The following NFIB variants were observed in gnomAD, a reference collection of about 807,000 sequenced individuals.
NFIB encodes nuclear factor I B.
In NFIB, 11 loss-of-function variants were observed where a neutral mutation model predicts 61.5. The observed-to-expected ratio is 0.18, with a 90% CI of 0.11 to 0.30. NFIB has a LOEUF of 0.30. Among genes scored for constraint, NFIB ranks in the 10% least tolerant of loss-of-function variants. The pLI is 1.00. For missense variants in NFIB, 471 were observed against 608.9 expected (o/e 0.77, Z 2.38); for synonymous variants, 260 against 216.5 (o/e 1.20, Z -1.76).
the NFIB span, among the ~76,000 whole-genome samples, chr9:14,430,696 C>T: frequency 1.3e-5 from 2 of 152,194 alleles, no homozygotes; most frequent in African/African-American, 4.8e-5. Context: ...AGTCTCATGC[C>T]TCCGCCTCCC....
chr9:14,401,029 G>C (rs996097218), upstream of NFIB, among the ~76,000 whole-genome samples: 5 of 152,180 alleles, frequency 3.3e-5, no homozygotes, highest in African/African-American at 1.2e-4. Context: ...ATCCCAAGAA[G>C]GGACAGAATA....
At chr9:14,350,541 C>G (rs540012832) in intron 1 of NFIB, among the ~76,000 whole-genome samples, 20 of 151,970 alleles carry the variant, frequency 1.3e-4, no homozygotes, top group Non-Finnish European at 1.2e-4. Flanking sequence ...GGTCTTCTAG[C>G]TGTTGGCATG....
At chr9:14,336,800 G>A (rs1166004434) in intron 1 of NFIB, among the ~76,000 whole-genome samples, 1 of 151,904 alleles carries the variant, frequency 6.6e-6, no homozygotes, top group Non-Finnish European at 1.5e-5. Context: ...TAAGTAAGAA[G>A]CGCTGCTGAA....
chr9:14,156,471 T>A (rs1351924684), intron 3 of NFIB, among the ~76,000 whole-genome samples: 1 of 152,230 alleles, frequency 6.6e-6, no homozygotes. Context: ...GCATCTTTAA[T>A]ATACGTTGCA....
Position 14,088,150 on chromosome 9 carries a change from T to TA in NFIB, c.*158dup. 1 of 1,409,690 alleles carries TA rather than the reference T, an allele frequency of 7.1e-7. No individual in the cohort carries two copies. Among genetic ancestry groups the TA allele is most frequent in the Non-Finnish European group, 9.4e-7 (1 of 1,068,988 alleles). 87.3% of individuals were successfully genotyped at this position (1,409,690 alleles called of 1,614,324 possible). A position where few individuals can be genotyped will look rare whatever the true frequency, so the allele number is the denominator to read the frequency against. ...CAGTCTTCCTCTTTTCCTTTTTTTTTATTTAAAAAAAAAATTTCTTAAACT... is the reference window on the plus strand; with the variant it reads ...CAGTCTTCCTCTTTTCCTTTTTTTTTAATTTAAAAAAAAAATTTCTTAAACT... On this transcript the variant is annotated 3_prime_UTR_variant, in exon 11 of 11. Coordinates refer to ENST00000380953, the MANE Select transcript of NFIB (RefSeq NM_001190737.2).
At chr9:14,326,496 C>T (rs371719238) in intron 1 of NFIB, among the ~76,000 whole-genome samples, 6 of 152,188 alleles carry the variant, frequency 3.9e-5, no homozygotes, top group African/African-American at 1.4e-4. Context: ...CCTGTGCACA[C>T]ATAGATCTGA....
At chr9:14,240,259 CTCTCTCTT>C (rs2054215219) in intron 2 of NFIB, among the ~76,000 whole-genome samples, 2 of 151,730 alleles carry the variant, frequency 1.3e-5, no homozygotes, top group East Asian at 1.9e-4. Context: ...CCCTCTCTCC[CTCTCTCTT>C]TCTCTCCCTC....
At chr9:14,519,019 T>G in the NFIB span, among the ~76,000 whole-genome samples, 1 of 152,202 alleles carries the variant, frequency 6.6e-6, no homozygotes, top group East Asian at 1.9e-4. Context: ...TCATCTTTGA[T>G]GGGTCCTTTT....
chr9:14,473,143 T>C, the NFIB span, among the ~76,000 whole-genome samples: 2 of 152,172 alleles, frequency 1.3e-5, no homozygotes, highest in Admixed American at 1.3e-4. Flanking sequence ...CTCTCAGAGG[T>C]CTGACGTGTT....
At chr9:14,455,018 T>C in the NFIB span, among the ~76,000 whole-genome samples, 5 of 152,162 alleles carry the variant, frequency 3.3e-5, no homozygotes, top group Non-Finnish European at 7.3e-5. Flanking sequence ...AAATAAACTT[T>C]TATGGTTGTA....
At chr9:14,255,903 T>C (rs2056175433) in intron 2 of NFIB, among the ~76,000 whole-genome samples, 1 of 152,220 alleles carries the variant, frequency 6.6e-6, no homozygotes, top group African/African-American at 2.4e-5. Flanking sequence ...AGCATAGTAT[T>C]ACTGAAGCGC....
At chr9:14,493,710 C>T in the NFIB span, among the ~76,000 whole-genome samples, 1 of 152,128 alleles carries the variant, frequency 6.6e-6, no homozygotes, top group African/African-American at 2.4e-5. Flanking sequence ...GGACCTTTCC[C>T]AGGACCAGAA....
At chr9:14,255,756 G>A (rs1158303431) in intron 2 of NFIB, among the ~76,000 whole-genome samples, 7 of 152,198 alleles carry the variant, frequency 4.6e-5, no homozygotes, top group Non-Finnish European at 1.5e-5. Flanking sequence ...CCAGCTCACT[G>A]ATGAGTCTTG....
intron 2 of NFIB, among the ~76,000 whole-genome samples, chr9:14,282,884 C>G (rs2058469771): frequency 6.6e-6 from 1 of 152,204 alleles, no homozygotes; most frequent in South Asian, 2.1e-4. Context: ...CTGGCTCTCT[C>G]TTTGTCTGAG....
At chr9:14,461,516 TG>T in the NFIB span, among the ~76,000 whole-genome samples, 1 of 152,182 alleles carries the variant, frequency 6.6e-6, no homozygotes, top group Non-Finnish European at 1.5e-5. Context: ...TCTTCCACTG[TG>T]GAACTACTTG....
the NFIB span, among the ~76,000 whole-genome samples, chr9:14,473,910 A>G: frequency 6.6e-6 from 1 of 152,018 alleles, no homozygotes; most frequent in Admixed American, 6.6e-5. Context: ...TTTCACCATC[A>G]CCTCCTAAGT....
At chr9:14,414,395 A>T in the NFIB span, among the ~76,000 whole-genome samples, 1 of 147,072 alleles carries the variant, frequency 6.8e-6, no homozygotes, top group African/African-American at 2.5e-5. Flanking sequence ...AGATTGCACC[A>T]CTGCACTCCA....
At chr9:14,275,661 T>C (rs1451650771) in intron 2 of NFIB, among the ~76,000 whole-genome samples, 2 of 152,140 alleles carry the variant, frequency 1.3e-5, no homozygotes, top group African/African-American at 4.8e-5. Context: ...GACATGAGTA[T>C]AATGCTATCC....
chr9:14,180,726 G>A (rs2046673389), intron 2 of NFIB: 1 of 152,162 alleles, frequency 6.6e-6, no homozygotes, highest in African/African-American at 2.4e-5. Flanking sequence ...CAACTAAATT[G>A]CATACTCCTA....
Sources: allele counts gnomAD v4.1 joint callset (sites outside exome capture counted in the v4.1 genomes callset), GRCh38; gene constraint gnomAD v4.1.1; transcripts MANE v1.5; gene names NCBI Gene and HGNC (gene_info 2026-07-23, HGNC 2026-07-21).